SMAD1: variants seen among roughly 807,000 people sequenced by gnomAD.
SMAD1 encodes MAD, mothers against decapentaplegic homolog 1.
SMAD1 carries 6 observed loss-of-function variants against 41.6 expected under a neutral mutation model. The ratio of observed to expected loss-of-function variants is 0.14; its 90% CI spans 0.08 to 0.28. The LOEUF (loss-of-function observed/expected upper bound fraction) is 0.28, where lower values mean the gene tolerates loss of function less well. Ranked by LOEUF, SMAD1 falls within the 10% of genes least tolerant of loss-of-function variation. The pLI is 1.00. For synonymous variants in SMAD1, 206 were observed against 203.2 expected, an observed-to-expected ratio of 1.01 and a Z score of -0.12; for missense variants, 379 against 582.6, an observed-to-expected ratio of 0.65 and a Z score of 3.60.
At chr4:145,551,124 G>A (rs1361290484) in intron 5 of SMAD1, among the ~76,000 whole-genome samples, 1 of 152,090 alleles carries the variant, frequency 6.6e-6, no homozygotes, top group Non-Finnish European at 1.5e-5. Flanking sequence ...CGGCATTAGG[G>A]TTAATAAAAC....
chr4:145,557,696 T>C (rs1732920781), intron 6 of SMAD1, 95 bp from the exon 7 acceptor site: 1 of 956,452 alleles, frequency 1.0e-6, no homozygotes, highest in Non-Finnish European at 1.5e-6. Flanking sequence ...ATGCATAGCT[T>C]TAATCAGAGT....
chr4:145,542,595 A>T lies in SMAD1; in HGVS notation c.672A>T (p.Pro224=). 1 of 1,607,804 alleles carries T rather than the reference A, an allele frequency of 6.2e-7. No homozygotes were observed. The highest frequency in any genetic ancestry group is 1.3e-5 in the African/African-American group (1 of 74,744). The change falls in exon 4 of 7, where the codon CCA becomes CCT. Residue 224 remains proline (P), a synonymous_variant. Transcript: ENST00000302085. ...AAAACTTTGTAGCTGATACGCCCCC[A>T]CCTGCTTACCTGCCTCCTGAAGACC... The part of the protein sequence containing the change: ...SPFQMPADTP[P]PAYLPPEDPM...
chr4:145,534,310 C>G (rs570145623), intron 2 of SMAD1, among the ~76,000 whole-genome samples: 1 of 152,340 alleles, frequency 6.6e-6, no homozygotes, highest in South Asian at 2.1e-4. Context: ...ACAGACCTTC[C>G]TACATCTTCA....
chr4:145,513,815 CT>C (rs1333657766), intron 1 of SMAD1, among the ~76,000 whole-genome samples: 1 of 152,076 alleles, frequency 6.6e-6, no homozygotes, highest in Non-Finnish European at 1.5e-5. Flanking sequence ...AGAACTTGGG[CT>C]TTTTAACTTT....
chr4:145,485,493 G>A (rs959565841), intron 1 of SMAD1, among the ~76,000 whole-genome samples: 10 of 152,298 alleles, frequency 6.6e-5, no homozygotes, highest in Middle Eastern at 3.4e-3. Flanking sequence ...TGGACAGCGT[G>A]TATATAGAAT....
At chr4:145,556,212 A>G (rs1383511706) in intron 6 of SMAD1, among the ~76,000 whole-genome samples, 1 of 152,222 alleles carries the variant, frequency 6.6e-6, no homozygotes, top group Non-Finnish European at 1.5e-5. Context: ...AGCTCAGCTG[A>G]ACACATATTT....
intron 1 of SMAD1, among the ~76,000 whole-genome samples, chr4:145,500,339 C>T (rs1299944807): frequency 6.6e-6 from 1 of 152,178 alleles, no homozygotes; most frequent in Admixed American, 6.5e-5. Flanking sequence ...GGGTCCCGCA[C>T]ATACCTTCCC....
At chr4:145,501,210 A>G (rs1729418361) in intron 1 of SMAD1, among the ~76,000 whole-genome samples, 1 of 152,224 alleles carries the variant, frequency 6.6e-6, no homozygotes, top group Non-Finnish European at 1.5e-5. Flanking sequence ...ACAGATCAAC[A>G]AGTTTTATTT....
At chr4:145,538,454 G>A (rs1414076495) in intron 2 of SMAD1, among the ~76,000 whole-genome samples, 1 of 152,116 alleles carries the variant, frequency 6.6e-6, no homozygotes, top group Non-Finnish European at 1.5e-5. Flanking sequence ...GATTATGTAG[G>A]AGTATAAAAT....
At chr4:145,543,845 G>A (rs1732090826) in intron 4 of SMAD1, among the ~76,000 whole-genome samples, 1 of 152,136 alleles carries the variant, frequency 6.6e-6, no homozygotes, top group Admixed American at 6.6e-5. Context: ...ACATGGCATG[G>A]GTCATGCAAT....
chr4:145,556,764 C>T (rs1164168526), intron 6 of SMAD1, among the ~76,000 whole-genome samples: 1 of 152,154 alleles, frequency 6.6e-6, no homozygotes, highest in Non-Finnish European at 1.5e-5. Flanking sequence ...GATCTTGACT[C>T]ACAACAACTT....
chr4:145,547,797 C>A (rs1187319741), intron 5 of SMAD1, among the ~76,000 whole-genome samples: 1 of 152,180 alleles, frequency 6.6e-6, no homozygotes, highest in Non-Finnish European at 1.5e-5. Context: ...TTTAGTAATA[C>A]ATATGTGTAT....
chr4:145,509,585 T>C (rs1729967278), intron 1 of SMAD1, among the ~76,000 whole-genome samples: 1 of 152,178 alleles, frequency 6.6e-6, no homozygotes, highest in Admixed American at 6.5e-5. Flanking sequence ...GTTAAAAAGC[T>C]GTTTTTGAAG....
intron 1 of SMAD1, among the ~76,000 whole-genome samples, chr4:145,510,544 GTT>G (rs1354377082): frequency 6.6e-6 from 1 of 152,012 alleles, no homozygotes; most frequent in Non-Finnish European, 1.5e-5. Context: ...CAATAACAAT[GTT>G]TTTATTGATT....
rs141231232 is a variant in SMAD1 at position 145,551,027 on chromosome 4, GTATTCTGAA to G, written c.998-2743_998-2735del. Among the ~76,000 whole-genome samples, 652 of 152,230 alleles carry G rather than the reference GTATTCTGAA, an allele frequency of 4.3e-3. 3 individuals are homozygous for G. Among genetic ancestry groups the G allele is most frequent in the African/African-American group, 0.014 (575 of 41,554 alleles). ...GTGATTTTTTTGAAAATTGGAAAAT[GTATTCTGAA>G]TATTCTGAATATTACCTGGAAGGAT... On this transcript the variant is annotated intron_variant, in intron 5 of 6. Coordinates refer to ENST00000302085, the MANE Select transcript of SMAD1 (RefSeq NM_005900.3).
At chr4:145,493,671 C>T (rs1728898346) in intron 1 of SMAD1, among the ~76,000 whole-genome samples, 1 of 152,146 alleles carries the variant, frequency 6.6e-6, no homozygotes, top group Non-Finnish European at 1.5e-5. Context: ...AGAAAAGGCT[C>T]CTTTAAAAGG....
chr4:145,500,711 GTTACTAGTTTTT>G (rs1217328567), intron 1 of SMAD1, among the ~76,000 whole-genome samples: 3 of 152,038 alleles, frequency 2.0e-5, no homozygotes, highest in African/African-American at 7.2e-5. Flanking sequence ...AACTGTAGTG[GTTACTAGTTTTT>G]CTCTTTTTGT....
At position 145,546,757 on chromosome 4, in the gene SMAD1, A is replaced by G; in HGVS notation, c.830A>G (p.Tyr277Cys). ...EPKHWCSIVY[Y>C]ELNNRVGEAF... ...AAACACTGGTGCTCTATTGTCTACT[A>G]TGAGCTCAACAATCGTGTGGGTGAA... Residue 277 changes from tyrosine (Y) to cysteine (C), a missense_variant, in exon 5 of 7, where the codon TAT becomes TGT. Transcript: ENST00000302085. 1 of 1,613,920 alleles carries G rather than the reference A, an allele frequency of 6.2e-7. No homozygotes were observed. Among genetic ancestry groups the G allele is most frequent in the Non-Finnish European group, 8.5e-7 (1 of 1,179,908 alleles).
chr4:145,535,500 C>T (rs1279938379), intron 2 of SMAD1, among the ~76,000 whole-genome samples: 1 of 152,106 alleles, frequency 6.6e-6, no homozygotes, highest in Non-Finnish European at 1.5e-5. Context: ...TGAGGAAGAC[C>T]TCTGTGCACT....
Sources: gnomAD v4.1 joint callset for allele counts (sites outside exome capture counted in the v4.1 genomes callset) on GRCh38, gnomAD v4.1.1 for gene constraint, MANE v1.5 for transcripts, NCBI Gene and HGNC (gene_info 2026-07-23, HGNC 2026-07-21) for gene names.